Variants in SLFN12L observed in about 807,000 individuals in gnomAD.
SLFN12L encodes the protein schlafen family member 12-like.
Under a neutral mutation model 34.8 loss-of-function variants are expected in SLFN12L, and 34 were observed. That is an observed-to-expected ratio of 0.98 (90% confidence interval 0.74 to 1.30). SLFN12L has a LOEUF of 1.30. SLFN12L is among the 50% of genes most tolerant of loss of function. The probability of loss-of-function intolerance (pLI) is 0.00; values close to 1 mark genes in which losing one functional copy is unlikely to be tolerated. For missense variants in SLFN12L, 703 were observed against 696.2 expected (o/e 1.01, Z -0.11); for synonymous variants, 259 against 247.5 (o/e 1.05, Z -0.44).
intron 1 of SLFN12L, among the ~76,000 whole-genome samples, chr17:35,535,444 A>G (rs1025282044): frequency 2.7e-5 from 4 of 146,628 alleles, no homozygotes; most frequent in South Asian, 2.2e-4. Context: ...TGATCCGCCC[A>G]CCTCAGGCTC....
rs1041710136 is a variant in SLFN12L, at chr17:35,471,440, A to G, written c.*3483T>C. Among the ~76,000 whole-genome samples, 9 of 152,244 alleles carry G rather than the reference A, an allele frequency of 5.9e-5. No individual in the cohort carries two copies. In the East Asian group the frequency reaches 7.7e-4, roughly 13 times the overall value. The stretch of plus-strand genomic sequence containing the variant: ...GCATGAGCCACCGCGCCACGCCTGC[A>G]TGTATCTTTATAGTAGAATGATTTA... On this transcript the variant is annotated 3_prime_UTR_variant, in exon 5 of 5. Coordinates refer to ENST00000628453, the MANE Select transcript of SLFN12L (RefSeq NM_001363830.2).
At chr17:35,498,683 A>G in intron 2 of SLFN12L, 1 of 1,588,402 alleles carries the variant, frequency 6.3e-7, no homozygotes. Context: ...TCAAGCTTCG[A>G]GCATTCCTAG....
In SLFN12L at chr17:35,479,154, C is replaced by T. The variant is rs751045887; in HGVS notation, c.1128G>A (p.Glu376=). 2 of 1,570,962 alleles carry T rather than the reference C, an allele frequency of 1.3e-6. No homozygotes were observed. Among genetic ancestry groups the T allele is most frequent in the East Asian group, 2.3e-5 (1 of 42,946 alleles). Residue 376 remains glutamate (E), a synonymous_variant, in exon 3 of 5, where the codon GAG becomes GAA. Transcript: ENST00000628453. ...VKDNRVKQLT[E]KEWIQFMVDS... is the part of the protein sequence containing the mutation. ...CCACCATGAACTGGATCCATTCCTT[C>T]TCGGTCAACTGCTTAACTCTGTTAT...
chr17:35,498,998 C>T (rs1915197277), intron 2 of SLFN12L: 1 of 707,886 alleles, frequency 1.4e-6, no homozygotes, highest in Non-Finnish European at 2.6e-6. Flanking sequence ...CCGTCTGCTT[C>T]TATAACACCT....
intron 2 of SLFN12L, among the ~76,000 whole-genome samples, chr17:35,492,704 C>T (rs1914883030): frequency 6.6e-6 from 1 of 152,162 alleles, no homozygotes; most frequent in Non-Finnish European, 1.5e-5. Flanking sequence ...TTTGTGTCAG[C>T]TGCAAATCCT....
chr17:35,517,883 T>C (rs1406307225), intron 2 of SLFN12L, among the ~76,000 whole-genome samples: 1 of 152,182 alleles, frequency 6.6e-6, no homozygotes, highest in Non-Finnish European at 1.5e-5. Flanking sequence ...CTTACACCTA[T>C]ACAAAAATTA....
At position 35,464,845 on chromosome 17, in the gene SLFN12L, GT is replaced by G. The variant is rs1286678371; in HGVS notation, c.*10077del. ...AAAAGATAGCTAAGGTCGTGATTGGGTTTAGAACTGTAAGGTTTTTTGTTTT... is the reference window on the plus strand; with the variant it reads ...AAAAGATAGCTAAGGTCGTGATTGGGTTAGAACTGTAAGGTTTTTTGTTTT... On this transcript the variant is annotated 3_prime_UTR_variant, in exon 5 of 5. Transcript: ENST00000628453. Among the ~76,000 whole-genome samples, 22 of 152,106 alleles carry G rather than the reference GT, an allele frequency of 1.4e-4. No individual in the cohort carries two copies.
chr17:35,529,260 G>T (rs1162779458), intron 1 of SLFN12L, among the ~76,000 whole-genome samples: 1 of 152,226 alleles, frequency 6.6e-6, no homozygotes, highest in Non-Finnish European at 1.5e-5. Context: ...GTGTAAATTA[G>T]TTCCACCATT....
At chr17:35,503,327 G>C (rs371320375) in intron 2 of SLFN12L, among the ~76,000 whole-genome samples, 1 of 152,102 alleles carries the variant, frequency 6.6e-6, no homozygotes, top group East Asian at 1.9e-4. Flanking sequence ...AACACAACAG[G>C]TTTCTCTTAA....
intron 1 of SLFN12L, among the ~76,000 whole-genome samples, chr17:35,526,116 AT>A (rs1270646227): frequency 1.6e-4 from 25 of 152,224 alleles, no homozygotes; most frequent in Admixed American, 5.2e-4. Flanking sequence ...AAAGAAGGGC[AT>A]TACATAATGG....
chr17:35,535,317 AG>A, intron 1 of SLFN12L, among the ~76,000 whole-genome samples: 1 of 150,402 alleles, frequency 6.6e-6, no homozygotes, highest in East Asian at 1.9e-4. Flanking sequence ...CAGCCTCCCT[AG>A]TAGCTGGGAT....
intron 1 of SLFN12L, among the ~76,000 whole-genome samples, chr17:35,531,708 G>C (rs756140515): frequency 8.6e-5 from 13 of 151,960 alleles, no homozygotes; most frequent in Admixed American, 3.9e-4. Context: ...CCTCCATCTC[G>C]CAGGTTCAAG....
Position 35,478,170 on chromosome 17 carries a change from G to A in SLFN12L, c.1181C>T (p.Pro394Leu), listed in dbSNP as rs1161003083. The A allele has an allele frequency of 9.7e-6, 15 of 1,538,856 alleles. No homozygotes were observed. The highest frequency in any genetic ancestry group is 1.1e-5 in the Non-Finnish European group (13 of 1,136,976). ...VDSEPVCEEL[P>L]SPASTSSPVS... is the part of the protein sequence containing the mutation. Reference sequence around the variant, plus strand: ...AGGTGATGATGTACTTGCTGGAGAGGGCAGTTCCTCACATACTATGGAATA... The same window carrying A: ...AGGTGATGATGTACTTGCTGGAGAGAGCAGTTCCTCACATACTATGGAATA... The change falls in exon 4 of 5, where the codon CCC becomes CTC. Residue 394 changes from proline to leucine, a missense_variant. Pro to Leu is a moderately conservative substitution (Grantham distance 98). Coordinates refer to ENST00000628453, the MANE Select transcript of SLFN12L (RefSeq NM_001363830.2).
chr17:35,485,954 T>A (rs1301649085), intron 2 of SLFN12L, among the ~76,000 whole-genome samples: 1 of 152,184 alleles, frequency 6.6e-6, no homozygotes, highest in Non-Finnish European at 1.5e-5. Flanking sequence ...CCTGTTTTGT[T>A]CTTTTTGTTT....
At chr17:35,483,236 C>CT (rs771959930) in intron 2 of SLFN12L, among the ~76,000 whole-genome samples, 8 of 152,190 alleles carry the variant, frequency 5.3e-5, no homozygotes, top group Non-Finnish European at 1.0e-4. Context: ...GATGACCTGC[C>CT]TACAGAGAGG....
In SLFN12L at chr17:35,492,775, G is replaced by C. The variant is rs563770493; in HGVS notation, c.87-12580C>G. Among the ~76,000 whole-genome samples, 129 of 152,172 alleles carry C rather than the reference G, an allele frequency of 8.5e-4. 3 individuals are homozygous for C. Among genetic ancestry groups the C allele is most frequent in the Non-Finnish European group, 1.6e-4 (11 of 68,020 alleles). On this transcript the variant is annotated intron_variant, in intron 2 of 4. Transcript: ENST00000628453. ...GGTGGCAGTGGTCATCTCCCACTGG[G>C]AATATGGCGTAGTATCTCCGGTCCA...
At chr17:35,496,258 C>A (rs547827898) in intron 2 of SLFN12L, among the ~76,000 whole-genome samples, 2 of 151,830 alleles carry the variant, frequency 1.3e-5, no homozygotes, top group East Asian at 1.9e-4. Flanking sequence ...CCGAAATGGG[C>A]GAATCTTATG....
At position 35,471,186 on chromosome 17, in the gene SLFN12L, G is replaced by A. The variant is rs1913801216; in HGVS notation, c.*3737C>T. Among the ~76,000 whole-genome samples the A allele has an allele frequency of 6.6e-6, 1 of 151,584 alleles. No individual in the cohort carries two copies. Among genetic ancestry groups the A allele is most frequent in the Admixed American group, 6.6e-5 (1 of 15,248 alleles). ...AGTTTTGCTCTTGTCACCCAGGCTG[G>A]AGTGCAATGGGGTGATCTTGGCTCA... is the stretch of plus-strand genomic sequence containing the variant. On this transcript the variant is annotated 3_prime_UTR_variant, in exon 5 of 5. Transcript: ENST00000628453.
chr17:35,476,403 C>A (rs567031758), intron 4 of SLFN12L, among the ~76,000 whole-genome samples: 2 of 149,134 alleles, frequency 1.3e-5, no homozygotes, highest in East Asian at 2.0e-4. Context: ...GAGTTTGAGA[C>A]CAGCCTGGGC....
Sources: gnomAD v4.1 joint callset for allele counts (sites outside exome capture counted in the v4.1 genomes callset) on GRCh38, gnomAD v4.1.1 for gene constraint, MANE v1.5 for transcripts, NCBI Gene and HGNC (gene_info 2026-07-23, HGNC 2026-07-21) for gene names.